GRID1: variants seen among roughly 807,000 people sequenced by gnomAD.
GRID1 encodes the protein glutamate ionotropic receptor delta type subunit 1, also known as glutamate receptor ionotropic, delta-1.
GRID1 carries 28 observed loss-of-function variants against 98.0 expected under a neutral mutation model. The ratio of observed to expected loss-of-function variants is 0.29; its 90% CI spans 0.21 to 0.39. The LOEUF is 0.39. GRID1 is among the 10% of genes least tolerant of loss of function. The probability of loss-of-function intolerance (pLI) is 1.00; values close to 1 mark genes in which losing one functional copy is unlikely to be tolerated. For synonymous variants in GRID1, 553 were observed against 538.5 expected (o/e 1.03, Z -0.37); for missense variants, 1,111 against 1,340.5 (o/e 0.83, Z 2.67).
chr10:86,317,192 C>G (rs1190309886), intron 2 of GRID1, among the ~76,000 whole-genome samples: 2 of 152,210 alleles, frequency 1.3e-5, no homozygotes, highest in East Asian at 3.9e-4. Flanking sequence ...CATCCCAAGT[C>G]TGCATAGCCG....
chr10:85,738,169 A>G (rs1034756890), intron 8 of GRID1, among the ~76,000 whole-genome samples: 2 of 152,324 alleles, frequency 1.3e-5, no homozygotes, highest in African/African-American at 4.8e-5. Context: ...AATAAAGGAT[A>G]TGTATCAGGT....
At chr10:86,347,214 T>G (rs552298723) in intron 2 of GRID1, among the ~76,000 whole-genome samples, 73 of 152,220 alleles carry the variant, frequency 4.8e-4, no homozygotes, top group Non-Finnish European at 9.1e-4. Flanking sequence ...TGTCACCAGG[T>G]GTTGCCCTGA....
chr10:86,096,681 C>T (rs1404331118), intron 4 of GRID1, among the ~76,000 whole-genome samples: 1 of 152,204 alleles, frequency 6.6e-6, no homozygotes, highest in Non-Finnish European at 1.5e-5. Context: ...ATGGAATTCA[C>T]TGGTCTTACC....
rs1455519122 is a variant in GRID1, at chr10:85,694,548, GTGTATATATATATATATATATATATA to G, written c.1997+28429_1997+28454del. On this transcript the variant is annotated intron_variant, in intron 12 of 15. Transcript: ENST00000327946. ...GGTAACTAGATAAAGAAAATGTGGT[GTGTATATATATATATATATATATATA>G]TATATATATATATATATATATATAT... is the stretch of plus-strand genomic sequence containing the variant. Among the ~76,000 whole-genome samples, 139 of 70,752 alleles carry G rather than the reference GTGTATATATATATATATATATATATA, an allele frequency of 2.0e-3. 2 individuals carry two copies. Among genetic ancestry groups the G allele is most frequent in the African/African-American group, 5.1e-3 (109 of 21,290 alleles). The allele number at this position is 70,752 out of a possible 152,430, so 46.4% of individuals were successfully genotyped here.
At chr10:86,078,485 T>TG (rs975463359) in intron 4 of GRID1, among the ~76,000 whole-genome samples, 11 of 152,268 alleles carry the variant, frequency 7.2e-5, no homozygotes, top group Middle Eastern at 3.4e-3. Flanking sequence ...GCCATCCCCC[T>TG]GCCCTGCCTC....
chr10:85,748,855 C>T (rs1486827948), intron 8 of GRID1, among the ~76,000 whole-genome samples: 1 of 152,140 alleles, frequency 6.6e-6, no homozygotes, highest in Non-Finnish European at 1.5e-5. Flanking sequence ...AAACACATCA[C>T]ACACTAATCT....
chr10:86,306,000 T>C (rs1297908664), intron 2 of GRID1, among the ~76,000 whole-genome samples: 1 of 152,154 alleles, frequency 6.6e-6, no homozygotes. Context: ...TTGGGGGTGA[T>C]CAGTGCCCCA....
intron 8 of GRID1, among the ~76,000 whole-genome samples, chr10:85,737,999 G>A (rs1841903836): frequency 6.6e-6 from 1 of 151,898 alleles, no homozygotes; most frequent in Admixed American, 6.6e-5. Flanking sequence ...GTCAGATGTG[G>A]GCCAGCAGGA....
At chr10:86,239,003 C>T (rs1300431109) in intron 2 of GRID1, among the ~76,000 whole-genome samples, 1 of 152,138 alleles carries the variant, frequency 6.6e-6, no homozygotes, top group African/African-American at 2.4e-5. Flanking sequence ...ATCCTCCAGA[C>T]CCCAGAATGG....
intron 2 of GRID1, among the ~76,000 whole-genome samples, chr10:86,248,924 C>T (rs1418245302): frequency 6.6e-6 from 1 of 152,182 alleles, no homozygotes; most frequent in African/African-American, 2.4e-5. Flanking sequence ...AGCAAATCAG[C>T]TCACAACACT....
intron 4 of GRID1, among the ~76,000 whole-genome samples, chr10:86,086,640 G>A (rs1273668023): frequency 6.6e-6 from 1 of 152,140 alleles, no homozygotes; most frequent in Non-Finnish European, 1.5e-5. Context: ...GCAAGCATGT[G>A]TGTGCATGTA....
At chr10:85,614,829 T>G (rs1202881810) in intron 14 of GRID1, among the ~76,000 whole-genome samples, 4 of 152,180 alleles carry the variant, frequency 2.6e-5, no homozygotes, top group Non-Finnish European at 5.9e-5. Flanking sequence ...TGTGGTTTTC[T>G]TTGGTTGTGG....
At chr10:85,766,588 T>C (rs1004627703) in intron 8 of GRID1, among the ~76,000 whole-genome samples, 3 of 152,134 alleles carry the variant, frequency 2.0e-5, no homozygotes, top group Admixed American at 6.5e-5. Flanking sequence ...CAATCAACCA[T>C]ACCAGAGGAA....
At chr10:86,356,215 C>A (rs1471159007) in intron 2 of GRID1, among the ~76,000 whole-genome samples, 1 of 152,212 alleles carries the variant, frequency 6.6e-6, no homozygotes, top group Non-Finnish European at 1.5e-5. Context: ...AGAGGAGGGA[C>A]AAGTCGCTGA....
chr10:86,006,702 AT>A (rs1004928648), intron 4 of GRID1, among the ~76,000 whole-genome samples: 27 of 149,494 alleles, frequency 1.8e-4, no homozygotes, highest in East Asian at 1.2e-3. Flanking sequence ...GTAGAAAAGG[AT>A]TTTTTTTTTC....
In GRID1 at chr10:86,221,795, C is replaced by T. The variant is rs574468330; in HGVS notation, c.236-15147G>A. Among the ~76,000 whole-genome samples, 44 of 152,220 alleles carry T rather than the reference C, an allele frequency of 2.9e-4. 1 individual carries two copies. The South Asian group carries it at 4.4e-3, about 15-fold the overall frequency. ...TTTTGATCCCAGGAGCAGCAGGGAG[C>T]CTTGAAGGCAGGACCTGCTCAGAGC... On this transcript the variant is annotated intron_variant, in intron 2 of 15. Transcript: ENST00000327946.
chr10:86,266,808 A>G lies in GRID1; in HGVS notation c.236-60160T>C, dbSNP rs536987490. 3.9e-5 allele frequency among the ~76,000 whole-genome samples: 6 copies of G among 152,320 alleles called. No homozygotes were observed. In the South Asian group the frequency reaches 1.2e-3, roughly 32 times the overall value. On this transcript the variant is annotated intron_variant, in intron 2 of 15. Coordinates refer to ENST00000327946, the MANE Select transcript of GRID1 (RefSeq NM_017551.3). ...CAGGCAGCATGGAGCTTAAGTCCCC[A>G]GAGTTTTCTCATGAGGCCTACTACT... is the stretch of plus-strand genomic sequence containing the variant.
At chr10:85,685,879 T>C (rs1841263281) in intron 12 of GRID1, among the ~76,000 whole-genome samples, 2 of 152,004 alleles carry the variant, frequency 1.3e-5, no homozygotes, top group Non-Finnish European at 2.9e-5. Flanking sequence ...TTATGATACA[T>C]AGTGATGTAT....
chr10:86,273,610 T>G (rs1398931928), intron 2 of GRID1, among the ~76,000 whole-genome samples: 1 of 152,036 alleles, frequency 6.6e-6, no homozygotes, highest in Non-Finnish European at 1.5e-5. Context: ...CCATTCTAAC[T>G]GGTGTGAGGT....
Sources: allele counts gnomAD v4.1 joint callset (sites outside exome capture counted in the v4.1 genomes callset), GRCh38; gene constraint gnomAD v4.1.1; transcripts MANE v1.5; gene names NCBI Gene and HGNC (gene_info 2026-07-23, HGNC 2026-07-21).